SAMMSON: variants seen among roughly 807,000 people sequenced by gnomAD.
The protein encoded by SAMMSON is survival associated mitochondrial melanoma specific oncogenic non-coding RNA, also known as long intergenic non-protein coding RNA 1212.
intron 4 of SAMMSON, among the ~76,000 whole-genome samples, chr3:70,230,857 T>C (rs1341874163): frequency 1.3e-5 from 2 of 152,150 alleles, no homozygotes; most frequent in African/African-American, 2.4e-5. Context: ...TGTTACTATC[T>C]TCCTCCCAAG....
chr3:70,207,184 C>A (rs1701299348), intron 4 of SAMMSON, among the ~76,000 whole-genome samples: 1 of 151,896 alleles, frequency 6.6e-6, no homozygotes, highest in Non-Finnish European at 1.5e-5. Flanking sequence ...GGCAATACTG[C>A]TGAGTTATTC....
chr3:70,040,232 A>G (rs972892713), intron 3 of SAMMSON, among the ~76,000 whole-genome samples: 1 of 152,142 alleles, frequency 6.6e-6, no homozygotes, highest in South Asian at 2.1e-4. Context: ...CAGAAAGCAG[A>G]TATATGTCAC....
At chr3:70,304,988 G>A (rs1305863341) in intron 7 of SAMMSON, among the ~76,000 whole-genome samples, 1 of 151,888 alleles carries the variant, frequency 6.6e-6, no homozygotes, top group Non-Finnish European at 1.5e-5. Flanking sequence ...CCAATGGAAT[G>A]CTTTTCCCAG....
chr3:70,226,515 A>T (rs1236066930), intron 4 of SAMMSON, among the ~76,000 whole-genome samples: 3 of 152,122 alleles, frequency 2.0e-5, no homozygotes, highest in Non-Finnish European at 4.4e-5. Context: ...AGGCATGTGG[A>T]TTACCTGAGG....
At chr3:70,020,799 A>G (rs966802240) in intron 3 of SAMMSON, among the ~76,000 whole-genome samples, 2 of 152,176 alleles carry the variant, frequency 1.3e-5, no homozygotes, top group Non-Finnish European at 2.9e-5. Context: ...TAAGCCCTTT[A>G]TGGACATCAT....
chr3:70,057,029 G>A (rs1039335327), intron 3 of SAMMSON, among the ~76,000 whole-genome samples: 1 of 151,994 alleles, frequency 6.6e-6, no homozygotes, highest in African/African-American at 2.4e-5. Context: ...CCCAAAGAAG[G>A]CAGGCAGGAA....
chr3:70,254,895 T>C (rs1264337649), intron 6 of SAMMSON, among the ~76,000 whole-genome samples: 1 of 152,232 alleles, frequency 6.6e-6, no homozygotes, highest in African/African-American at 2.4e-5. Flanking sequence ...ATTGTCATTG[T>C]ATTTCCTTTT....
intron 6 of SAMMSON, among the ~76,000 whole-genome samples, chr3:70,271,045 A>T (rs1701971844): frequency 6.6e-6 from 1 of 152,186 alleles, no homozygotes; most frequent in East Asian, 1.9e-4. Flanking sequence ...ATAAAAAAGA[A>T]ATATTGAAAA....
intron 7 of SAMMSON, among the ~76,000 whole-genome samples, chr3:70,314,667 A>C (rs369079755): frequency 9.9e-5 from 15 of 152,216 alleles, no homozygotes; most frequent in African/African-American, 3.6e-4. Flanking sequence ...CTCCCAGTTT[A>C]TTTTCACTTT....
At chr3:70,060,609 C>T (rs2067183860) in intron 3 of SAMMSON, among the ~76,000 whole-genome samples, 1 of 152,016 alleles carries the variant, frequency 6.6e-6, no homozygotes, top group Non-Finnish European at 1.5e-5. Flanking sequence ...TTATTATTTC[C>T]ATCACCTCCT....
Position 70,212,268 on chromosome 3 carries a change from C to G in SAMMSON, n.508-36839C>G, listed in dbSNP as rs569568350. ...AGTAATCACAAATTACAGCTTCACA[C>G]TTGTAACTGTCTATTGGACATTTTT... On this transcript the variant is annotated intron_variant and non_coding_transcript_variant, in intron 4 of 9. Coordinates refer to ENST00000642114, the Ensembl canonical transcript of SAMMSON. Among the ~76,000 whole-genome samples, 149 of 152,274 alleles carry G rather than the reference C, an allele frequency of 9.8e-4. 1 individual carries two copies. The highest frequency in any genetic ancestry group is 6.8e-3 in the Middle Eastern group (2 of 294).
chr3:70,023,709 G>T (rs2067025252), intron 3 of SAMMSON, among the ~76,000 whole-genome samples: 1 of 152,108 alleles, frequency 6.6e-6, no homozygotes, highest in South Asian at 2.1e-4. Context: ...AAATTTAGCT[G>T]CATTTGCTTG....
chr3:70,271,655 G>A (rs887609851), intron 6 of SAMMSON: 1 of 152,154 alleles, frequency 6.6e-6, no homozygotes, highest in Non-Finnish European at 1.5e-5. Flanking sequence ...CATCTAAGAA[G>A]GTCTCTGGAG....
At chr3:70,348,300 A>T (rs771745933) in intron 7 of SAMMSON, among the ~76,000 whole-genome samples, 1 of 152,204 alleles carries the variant, frequency 6.6e-6, no homozygotes, top group African/African-American at 2.4e-5. Flanking sequence ...ACCAGGGCAA[A>T]GGTTCTGTAT....
chr3:70,398,866 G>A (rs1443860720), intron 2 of SAMMSON, among the ~76,000 whole-genome samples: 2 of 152,168 alleles, frequency 1.3e-5, no homozygotes, highest in South Asian at 2.1e-4. Flanking sequence ...CCAAAATTAT[G>A]AGCATGTGAC....
At chr3:70,334,134 T>G (rs1702645521) in intron 7 of SAMMSON, among the ~76,000 whole-genome samples, 1 of 152,332 alleles carries the variant, frequency 6.6e-6, no homozygotes, top group Admixed American at 6.5e-5. Context: ...TAAGAGATTT[T>G]TGTTAAGGAA....
rs114077549 is a variant in SAMMSON at position 70,081,442 on chromosome 3, T to C, written n.507+9877T>C. Among the ~76,000 whole-genome samples, 342 of 152,274 alleles carry C rather than the reference T, an allele frequency of 2.2e-3. 1 individual carries two copies. The highest frequency in any genetic ancestry group is 7.7e-3 in the African/African-American group (319 of 41,556). On this transcript the variant is annotated intron_variant and non_coding_transcript_variant, in intron 4 of 9. Transcript: ENST00000642114. ...CATAGTTTTTATCACCACTTATAAT[T>C]TCCTAATTAATTTGCTTACTGACAA... is the stretch of plus-strand genomic sequence containing the variant.
downstream of SAMMSON, among the ~76,000 whole-genome samples, chr3:70,392,531 G>T (rs1559579547): frequency 6.6e-6 from 1 of 152,024 alleles, no homozygotes; most frequent in Non-Finnish European, 1.5e-5. Context: ...CCTAGGCAAG[G>T]CCTGCTTTAG....
intron 3 of SAMMSON, among the ~76,000 whole-genome samples, chr3:70,018,223 T>A (rs1031979979): frequency 1.3e-5 from 2 of 152,188 alleles, no homozygotes; most frequent in Non-Finnish European, 2.9e-5. Flanking sequence ...CTGGACTTTT[T>A]TTGTTGGTAA....
Sources: gnomAD v4.1 joint callset for allele counts (sites outside exome capture counted in the v4.1 genomes callset) on GRCh38, gnomAD v4.1.1 for gene constraint, MANE v1.5 for transcripts, NCBI Gene and HGNC (gene_info 2026-07-23, HGNC 2026-07-21) for gene names.